The following NWD2 variants were observed in gnomAD, a reference collection of about 807,000 sequenced individuals.
NWD2 encodes the protein NACHT and WD repeat domain containing 2.
NWD2 carries 37 observed loss-of-function variants against 132.7 expected under a neutral mutation model. The observed-to-expected ratio is 0.28, with a 90% CI of 0.21 to 0.37. NWD2 has a LOEUF of 0.37. Among genes scored for constraint, NWD2 ranks in the 10% least tolerant of loss-of-function variants. NWD2 has a pLI of 1.00. For synonymous variants in NWD2, 705 were observed against 803.0 expected (o/e 0.88, Z 2.06); for missense variants, 1,592 against 2,122.4 (o/e 0.75, Z 4.91).
chr4:37,268,675 G>A (rs1466709101), intron 1 of NWD2, among the ~76,000 whole-genome samples: 1 of 151,730 alleles, frequency 6.6e-6, no homozygotes, highest in Non-Finnish European at 1.5e-5. Context: ...ATTGCTAAGA[G>A]CCTTGAAAAA....
At chr4:37,284,651 G>A (rs749199445) in intron 1 of NWD2, among the ~76,000 whole-genome samples, 2 of 152,188 alleles carry the variant, frequency 1.3e-5, no homozygotes, top group African/African-American at 2.4e-5. Context: ...TTAAAAGTAG[G>A]AAGTAAAAGG....
At chr4:37,300,305 A>G (rs1485971950) in intron 1 of NWD2, among the ~76,000 whole-genome samples, 2 of 152,176 alleles carry the variant, frequency 1.3e-5, no homozygotes, top group African/African-American at 4.8e-5. Flanking sequence ...TTTGGAAGCA[A>G]CGCTGTAGCA....
chr4:37,247,326 C>T (rs1456135870), intron 1 of NWD2, among the ~76,000 whole-genome samples: 1 of 152,162 alleles, frequency 6.6e-6, no homozygotes, highest in East Asian at 1.9e-4. Context: ...AAAGCAAATG[C>T]CTGTGTTTTG....
chr4:37,403,706 A>G (rs1216527264), intron 3 of NWD2, among the ~76,000 whole-genome samples: 2 of 152,254 alleles, frequency 1.3e-5, no homozygotes, highest in East Asian at 1.9e-4. Flanking sequence ...TTGTTTCTGC[A>G]TTACATACAC....
At chr4:37,278,149 T>C (rs537858197) in intron 1 of NWD2, among the ~76,000 whole-genome samples, 1 of 152,238 alleles carries the variant, frequency 6.6e-6, no homozygotes, top group Admixed American at 6.5e-5. Flanking sequence ...CTCAGACTGT[T>C]TTAAATCTTG....
intron 3 of NWD2, among the ~76,000 whole-genome samples, chr4:37,367,399 A>G (rs186428866): frequency 7.4e-4 from 113 of 152,314 alleles, no homozygotes; most frequent in Non-Finnish European, 9.0e-4. Flanking sequence ...TTTGAAATTC[A>G]TATAATTAGA....
At chr4:37,320,173 T>A (rs1202491292) in intron 1 of NWD2, among the ~76,000 whole-genome samples, 2 of 152,154 alleles carry the variant, frequency 1.3e-5, no homozygotes, top group African/African-American at 4.8e-5. Flanking sequence ...CTATAGTTCT[T>A]CTTGTAGAGA....
intron 1 of NWD2, among the ~76,000 whole-genome samples, chr4:37,273,684 A>C (rs1429469243): frequency 6.6e-6 from 1 of 152,178 alleles, no homozygotes; most frequent in Non-Finnish European, 1.5e-5. Flanking sequence ...GTTGGAAGTA[A>C]AGCACTCCTC....
intron 1 of NWD2, among the ~76,000 whole-genome samples, chr4:37,300,409 A>C (rs1718590047): frequency 6.6e-6 from 1 of 152,120 alleles, no homozygotes; most frequent in African/African-American, 2.4e-5. Context: ...TATTATTCGA[A>C]TTAGTAGATC....
intron 3 of NWD2, among the ~76,000 whole-genome samples, chr4:37,399,248 A>G (rs1720859062): frequency 1.3e-5 from 2 of 152,086 alleles, no homozygotes; most frequent in Admixed American, 6.5e-5. Flanking sequence ...AGCCAATCAC[A>G]TTTTCATTTC....
At chr4:37,396,580 C>A (rs1410132419) in intron 3 of NWD2, among the ~76,000 whole-genome samples, 1 of 152,180 alleles carries the variant, frequency 6.6e-6, no homozygotes, top group East Asian at 1.9e-4. Flanking sequence ...CAAGAAATCT[C>A]TAAGTGTGTT....
chr4:37,308,980 C>A (rs1718773003), intron 1 of NWD2, among the ~76,000 whole-genome samples: 1 of 152,174 alleles, frequency 6.6e-6, no homozygotes. Flanking sequence ...TCAGTGGCAG[C>A]AGACATCAGA....
chr4:37,416,002 G>A (rs1038507999), intron 3 of NWD2, among the ~76,000 whole-genome samples: 5 of 152,206 alleles, frequency 3.3e-5, no homozygotes, highest in Admixed American at 3.3e-4. Context: ...AGGATGTATG[G>A]GCAACTCAGC....
intron 2 of NWD2, among the ~76,000 whole-genome samples, chr4:37,345,072 T>C (rs1215129513): frequency 6.6e-6 from 1 of 152,216 alleles, no homozygotes; most frequent in East Asian, 1.9e-4. Context: ...TATTCCTCAA[T>C]AGTATGCCAT....
intron 4 of NWD2, among the ~76,000 whole-genome samples, chr4:37,431,668 G>T (rs976534216): frequency 6.6e-6 from 1 of 152,136 alleles, no homozygotes; most frequent in South Asian, 2.1e-4. Flanking sequence ...TAGTGGATTT[G>T]TTAGTTAGCT....
chr4:37,386,225 A>G (rs1337227255), intron 3 of NWD2, among the ~76,000 whole-genome samples: 1 of 152,134 alleles, frequency 6.6e-6, no homozygotes, highest in Non-Finnish European at 1.5e-5. Flanking sequence ...GTCTAGAAGA[A>G]TAAAAAAAGC....
At chr4:37,247,290 G>A (rs1016154449) in intron 1 of NWD2, among the ~76,000 whole-genome samples, 6 of 152,216 alleles carry the variant, frequency 3.9e-5, no homozygotes, top group African/African-American at 7.2e-5. Flanking sequence ...GCACTTGACC[G>A]TGGGATCTTT....
At chr4:37,442,193 G>T (rs1300012174) in intron 6 of NWD2, among the ~76,000 whole-genome samples, 1 of 152,104 alleles carries the variant, frequency 6.6e-6, no homozygotes, top group African/African-American at 2.4e-5. Flanking sequence ...AGGAAGCAAA[G>T]TTCACAAACT....
intron 3 of NWD2, among the ~76,000 whole-genome samples, chr4:37,398,308 G>A (rs1460011545): frequency 2.6e-5 from 4 of 152,166 alleles, no homozygotes; most frequent in African/African-American, 9.7e-5. Flanking sequence ...CACGGACATG[G>A]ATGAAGCTGG....
Sources: allele counts gnomAD v4.1 joint callset (sites outside exome capture counted in the v4.1 genomes callset), GRCh38; gene constraint gnomAD v4.1.1; transcripts MANE v1.5; gene names NCBI Gene and HGNC (gene_info 2026-07-23, HGNC 2026-07-21).